The following SCML2 variants were observed in gnomAD, a reference collection of about 807,000 sequenced individuals.
SCML2 encodes the protein sex comb on midleg-like protein 2.
Under a neutral mutation model 48.4 loss-of-function variants are expected in SCML2, and 6 were observed. The observed-to-expected ratio is 0.12, with a 90% CI of 0.07 to 0.24. The LOEUF (loss-of-function observed/expected upper bound fraction) is 0.24. SCML2 is among the 10% of genes least tolerant of loss of function. The probability of loss-of-function intolerance (pLI) is 1.00; values close to 1 mark genes in which losing one functional copy is unlikely to be tolerated. For missense variants in SCML2, 377 were observed against 528.2 expected, an observed-to-expected ratio of 0.71 and a Z score of 2.81; for synonymous variants, 181 against 189.5, an observed-to-expected ratio of 0.95 and a Z score of 0.37.
intron 11 of SCML2, among the ~76,000 whole-genome samples, chrX:18,255,623 G>C (rs1479333041): frequency 8.9e-6 from 1 of 112,185 alleles, no homozygotes; most frequent in Non-Finnish European, 1.9e-5. Flanking sequence ...GTCTGAAGCA[G>C]GGTAGTAACA....
intron 3 of SCML2, among the ~76,000 whole-genome samples, chrX:18,325,326 T>C (rs190981733): frequency 6.2e-5 from 7 of 112,231 alleles, no homozygotes; most frequent in Non-Finnish European, 1.1e-4. Context: ...GTCTCTAATA[T>C]AAATTTATTC....
chrX:18,304,936 T>C, intron 7 of SCML2, 36 bp downstream of exon 7: 3 of 1,181,119 alleles, frequency 2.5e-6, no homozygotes, highest in Non-Finnish European at 3.4e-6. Context: ...CTAACTTCAA[T>C]AAAGTAGAAG....
intron 7 of SCML2, among the ~76,000 whole-genome samples, chrX:18,300,790 CAA>C (rs752686386): frequency 6.8e-5 from 4 of 59,015 alleles, no homozygotes; most frequent in Admixed American, 2.1e-4. Flanking sequence ...GACTCCGTTT[CAA>C]AAAAAAAAAA....
At chrX:18,341,168 G>A (rs191320264) in intron 1 of SCML2, 2 of 353,687 alleles carry the variant, frequency 5.7e-6, no homozygotes, top group Non-Finnish European at 9.2e-6. Flanking sequence ...CTGGTCCCCA[G>A]CCCCAGGCCA....
chrX:18,345,847 A>T (rs1246313975), intron 1 of SCML2, among the ~76,000 whole-genome samples: 1 of 106,928 alleles, frequency 9.4e-6, no homozygotes, highest in African/African-American at 3.4e-5. Flanking sequence ...CACCCCCTGC[A>T]CACCCCCTAC....
chrX:18,283,065 A>G (rs1370113168), intron 7 of SCML2, among the ~76,000 whole-genome samples: 1 of 111,744 alleles, frequency 8.9e-6, no homozygotes, highest in Non-Finnish European at 1.9e-5. Flanking sequence ...ATACTAGCAA[A>G]CTGAATCCAG....
chrX:18,266,767 G>A (rs1032596779), intron 7 of SCML2, among the ~76,000 whole-genome samples: 1 of 111,629 alleles, frequency 9.0e-6, no homozygotes, highest in Non-Finnish European at 1.9e-5. Flanking sequence ...AATCTGACCC[G>A]CAATAGATAA....
upstream of SCML2, among the ~76,000 whole-genome samples, chrX:18,354,892 C>T (rs1029679547): frequency 3.6e-5 from 4 of 112,280 alleles, no homozygotes; most frequent in Non-Finnish European, 7.5e-5. Context: ...ACTTTGCCTC[C>T]TACCCCCCAC....
At chrX:18,318,816 A>G (rs1929215251) in intron 6 of SCML2, among the ~76,000 whole-genome samples, 1 of 112,028 alleles carries the variant, frequency 8.9e-6, no homozygotes, top group Non-Finnish European at 1.9e-5. Context: ...CCAGTGGGTT[A>G]TTGTAATTGA....
intron 2 of SCML2, among the ~76,000 whole-genome samples, chrX:18,333,409 T>C (rs1293788261): frequency 8.9e-6 from 1 of 112,316 alleles, no homozygotes; most frequent in Non-Finnish European, 1.9e-5. Flanking sequence ...AAAGCCAAAC[T>C]TGAATCTGTA....
At chrX:18,351,812 G>A (rs1031279092) in intron 1 of SCML2, among the ~76,000 whole-genome samples, 7 of 111,652 alleles carry the variant, frequency 6.3e-5, no homozygotes, top group Admixed American at 3.8e-4. Context: ...ATAGTCAAGT[G>A]AAACTTTTCT....
chrX:18,275,348 T>C (rs1044992319), intron 7 of SCML2, among the ~76,000 whole-genome samples: 12 of 112,665 alleles, frequency 1.1e-4, no homozygotes, highest in Non-Finnish European at 2.3e-4. Context: ...GGAAAGGGCT[T>C]CCCTTCCTTG....
At chrX:18,299,913 A>AT (rs1161098819) in intron 7 of SCML2, among the ~76,000 whole-genome samples, 1 of 108,868 alleles carries the variant, frequency 9.2e-6, no homozygotes, top group Non-Finnish European at 1.9e-5. Context: ...TTACCTTTTT[A>AT]TTTTTTTGTA....
chrX:18,270,579 T>A (rs1041647026), intron 7 of SCML2, among the ~76,000 whole-genome samples: 22 of 110,429 alleles, frequency 2.0e-4, no homozygotes, highest in South Asian at 1.2e-3. Context: ...GCACCTAGAA[T>A]AAAATACTTT....
At chrX:18,251,814 T>G (rs2035733183) in intron 11 of SCML2, among the ~76,000 whole-genome samples, 2 of 112,383 alleles carry the variant, frequency 1.8e-5, no homozygotes, top group South Asian at 7.4e-4. Context: ...CACAAAAACT[T>G]ATATACAAAT....
intron 6 of SCML2, among the ~76,000 whole-genome samples, chrX:18,317,254 G>A (rs764900122): frequency 2.3e-3 from 256 of 111,096 alleles, no homozygotes; most frequent in Non-Finnish European, 3.7e-3. Context: ...GAATGCAACC[G>A]TTCACGTTTA....
chrX:18,262,413 TCAC>T (rs1927101086), intron 8 of SCML2, among the ~76,000 whole-genome samples: 1 of 99,541 alleles, frequency 1.0e-5, no homozygotes. Flanking sequence ...AAATCTCGGC[TCAC>T]TGCAACCTCC....
intron 8 of SCML2, among the ~76,000 whole-genome samples, chrX:18,261,821 T>A (rs1194365645): frequency 9.1e-6 from 1 of 110,061 alleles, no homozygotes; most frequent in Non-Finnish European, 1.9e-5. Context: ...ATTTAAAATA[T>A]TATTTCACTT....
chrX:18,310,956 A>G, intron 6 of SCML2, among the ~76,000 whole-genome samples: 1 of 111,730 alleles, frequency 9.0e-6, no homozygotes, highest in African/African-American at 3.2e-5. Flanking sequence ...CCTCCTGGCC[A>G]ACCTGTCTAA....
Sources: allele counts gnomAD v4.1 joint callset (sites outside exome capture counted in the v4.1 genomes callset), GRCh38; gene constraint gnomAD v4.1.1; transcripts MANE v1.5; gene names NCBI Gene and HGNC (gene_info 2026-07-23, HGNC 2026-07-21).